The following NAV3 variants were observed in gnomAD, a reference collection of about 807,000 sequenced individuals.
NAV3 encodes the protein neuron navigator 3.
Under a neutral mutation model 244.7 loss-of-function variants are expected in NAV3, and 87 were observed. That is an observed-to-expected ratio of 0.36 (90% CI 0.30 to 0.42). The LOEUF is 0.42. NAV3 is among the 20% of genes least tolerant of loss of function. The probability of loss-of-function intolerance (pLI) is 1.00; values close to 1 mark genes in which losing one functional copy is unlikely to be tolerated. For missense variants in NAV3, 2,663 were observed against 2,893.3 expected (o/e 0.92, Z 1.83); for synonymous variants, 1,126 against 1,042.2 (o/e 1.08, Z -1.55).
rs1357739959 is a variant in NAV3 at position 78,007,250 on chromosome 12, T to C, written c.1712T>C (p.Met571Thr). ...CAGTCCTTATCTAAGCCTATAACCA[T>C]GGAGAAAGCAAGTGCTTCTAGTTGT... is the stretch of plus-strand genomic sequence containing the variant. ...PSQSLSKPIT[M>T]EKASASSCPA... is the part of the protein sequence containing the mutation. The change falls in exon 8 of 40, where the codon ATG becomes ACG. Residue 571 changes from methionine (M) to threonine (T), a missense_variant. Around this residue, in one of 6 missense-constraint regions of NAV3, gnomAD observed 1,521 missense variants for 1,497.0 expected, o/e 1.02. Coordinates refer to ENST00000397909, the MANE Select transcript of NAV3 (RefSeq NM_001024383.2). The C allele has an allele frequency of 1.9e-6, 3 of 1,614,056 alleles. No homozygotes were observed. Among genetic ancestry groups the C allele is most frequent in the Non-Finnish European group, 2.5e-6 (3 of 1,180,026 alleles).
At chr12:78,090,716 C>T (rs774579450) in intron 12 of NAV3, among the ~76,000 whole-genome samples, 53 of 152,054 alleles carry the variant, frequency 3.5e-4, no homozygotes, top group Admixed American at 7.9e-4. Flanking sequence ...TTACGGTTGA[C>T]ACATCACACC....
At chr12:78,174,378 C>A (rs1958130640) in intron 24 of NAV3, among the ~76,000 whole-genome samples, 1 of 151,788 alleles carries the variant, frequency 6.6e-6, no homozygotes, top group African/African-American at 2.4e-5. Context: ...AGAAGTTAAG[C>A]AAGGCCATAC....
At chr12:78,173,504 A>G (rs977435695) in intron 24 of NAV3, among the ~76,000 whole-genome samples, 3 of 151,628 alleles carry the variant, frequency 2.0e-5, no homozygotes. Context: ...CTAATGGCCA[A>G]TCACAGCAAA....
At chr12:77,796,368 A>T (rs1199117846) in intron 2 of NAV3, among the ~76,000 whole-genome samples, 1 of 152,214 alleles carries the variant, frequency 6.6e-6, no homozygotes. Flanking sequence ...GGTGTGACTG[A>T]ATTGCTGCAA....
chr12:77,634,426 T>C (rs1444872493), intron 2 of NAV3, among the ~76,000 whole-genome samples: 1 of 152,228 alleles, frequency 6.6e-6, no homozygotes, highest in Non-Finnish European at 1.5e-5. Context: ...TATGTAATAA[T>C]TTCTTTGTTT....
chr12:78,197,218 A>T (rs1959188813), intron 34 of NAV3, 29 bp from the exon 35 acceptor site: 1 of 1,485,868 alleles, frequency 6.7e-7, no homozygotes, highest in South Asian at 1.5e-5. Context: ...TTTATCACTG[A>T]CGTATCTGTT....
intron 2 of NAV3, among the ~76,000 whole-genome samples, chr12:77,727,164 T>C (rs971377614): frequency 6.6e-6 from 1 of 151,884 alleles, no homozygotes; most frequent in Admixed American, 6.6e-5. Flanking sequence ...CATGATTCCA[T>C]TTACTAGGAC....
At chr12:77,725,437 G>A (rs753506342) in intron 2 of NAV3, among the ~76,000 whole-genome samples, 1 of 151,848 alleles carries the variant, frequency 6.6e-6, no homozygotes, top group Non-Finnish European at 1.5e-5. Context: ...GACATTTGCT[G>A]TGTACATTTT....
rs553192846 is a variant in NAV3 at position 77,809,283 on chromosome 12, C to T, written c.73-131036C>T. Among the ~76,000 whole-genome samples the T allele has an allele frequency of 7.7e-4, 118 of 152,332 alleles. 1 individual carries two copies. Among genetic ancestry groups the T allele is most frequent in the African/African-American group, 2.6e-3 (109 of 41,584 alleles). ...CAGCCACCCAGTTTTGTACTTGAAA[C>T]CCAGGGTCGTGGTGGTGTAGGCACC... On this transcript the variant is annotated intron_variant, in intron 2 of 8. Coordinates refer to the NAV3 transcript ENST00000550042.
At chr12:78,098,974 T>C (rs961995748) in intron 12 of NAV3, among the ~76,000 whole-genome samples, 4 of 149,482 alleles carry the variant, frequency 2.7e-5, no homozygotes, top group African/African-American at 7.3e-5. Flanking sequence ...TTTTTTATAA[T>C]ATTGGCACTG....
intron 2 of NAV3, among the ~76,000 whole-genome samples, chr12:77,588,114 C>T (rs1275063976): frequency 1.3e-5 from 2 of 152,006 alleles, no homozygotes; most frequent in Non-Finnish European, 2.9e-5. Context: ...TGTCATGGGT[C>T]AGTAAAAATA....
At chr12:77,620,002 C>G (rs1024953880) in intron 2 of NAV3, among the ~76,000 whole-genome samples, 3 of 152,008 alleles carry the variant, frequency 2.0e-5, no homozygotes, top group Non-Finnish European at 2.9e-5. Context: ...CTTCTATTGA[C>G]CAAATTGCAA....
intron 2 of NAV3, among the ~76,000 whole-genome samples, chr12:77,802,631 A>C (rs1871768252): frequency 6.6e-6 from 1 of 152,122 alleles, no homozygotes; most frequent in African/African-American, 2.4e-5. Context: ...AAAGCCAAAA[A>C]CAGCTTTAAA....
chr12:77,810,195 G>A (rs909976257), intron 2 of NAV3, among the ~76,000 whole-genome samples: 11 of 152,068 alleles, frequency 7.2e-5, no homozygotes, highest in Non-Finnish European at 1.0e-4. Flanking sequence ...TTTTTGAGAC[G>A]GAGTCTCGCT....
At chr12:77,581,334 T>A (rs76184163) in intron 2 of NAV3, among the ~76,000 whole-genome samples, 1 of 152,134 alleles carries the variant, frequency 6.6e-6, no homozygotes, top group Non-Finnish European at 1.5e-5. Context: ...ATTAAACAAA[T>A]AAAAAGAAAT....
intron 2 of NAV3, among the ~76,000 whole-genome samples, chr12:77,597,143 A>T (rs1870205913): frequency 6.6e-6 from 1 of 152,144 alleles, no homozygotes; most frequent in African/African-American, 2.4e-5. Context: ...CTCACATGCA[A>T]TGTTGAAGAC....
At chr12:78,114,010 C>T (rs1035074328) in intron 12 of NAV3, among the ~76,000 whole-genome samples, 1 of 152,138 alleles carries the variant, frequency 6.6e-6, no homozygotes, top group Non-Finnish European at 1.5e-5. Context: ...CCTAAATTAT[C>T]GCTCTCAAGT....
intron 3 of NAV3, among the ~76,000 whole-genome samples, chr12:77,962,543 T>A (rs1892121468): frequency 1.3e-5 from 2 of 152,150 alleles, no homozygotes; most frequent in Non-Finnish European, 2.9e-5. Context: ...AGAAAACATC[T>A]GGAATCTGAC....
intron 1 of NAV3, among the ~76,000 whole-genome samples, chr12:77,848,188 T>A (rs1441752622): frequency 6.6e-6 from 1 of 152,196 alleles, no homozygotes; most frequent in Non-Finnish European, 1.5e-5. Flanking sequence ...AAAGATGTGA[T>A]TTAGGATGAG....
Sources: gnomAD v4.1 joint callset for allele counts (sites outside exome capture counted in the v4.1 genomes callset) on GRCh38, gnomAD v4.1.1 for gene constraint, gnomAD v4.1.1 regional missense constraint, MANE v1.5 for transcripts, NCBI Gene and HGNC (gene_info 2026-07-23, HGNC 2026-07-21) for gene names.